MRTFA: variants seen among roughly 807,000 people sequenced by gnomAD.
The protein encoded by MRTFA is myocardin related transcription factor A.
MRTFA carries 20 observed loss-of-function variants against 83.5 expected under a neutral mutation model. The observed-to-expected ratio is 0.24, with a 90% CI of 0.17 to 0.35. The LOEUF is 0.35. Among genes scored for constraint, MRTFA ranks in the 10% least tolerant of loss-of-function variants. The pLI, the probability that MRTFA is intolerant of heterozygous loss-of-function variation, is 1.00. For synonymous variants in MRTFA, 659 were observed against 541.2 expected, an observed-to-expected ratio of 1.22 and a Z score of -3.02; for missense variants, 1,200 against 1,224.7, an observed-to-expected ratio of 0.98 and a Z score of 0.30.
intron 3 of MRTFA, among the ~76,000 whole-genome samples, chr22:40,492,372 T>C (rs1447529078): frequency 6.6e-6 from 1 of 152,188 alleles, no homozygotes; most frequent in Non-Finnish European, 1.5e-5. Flanking sequence ...AAAACATTTC[T>C]TCCTGTCAGC....
At chr22:40,494,900 C>A (rs929678525) in intron 3 of MRTFA, among the ~76,000 whole-genome samples, 1 of 152,028 alleles carries the variant, frequency 6.6e-6, no homozygotes, top group Non-Finnish European at 1.5e-5. Flanking sequence ...TACAAAGAGG[C>A]ATAATGGAAT....
At chr22:40,558,278 A>ATTCT (rs2055562076) in intron 2 of MRTFA, among the ~76,000 whole-genome samples, 1 of 80,694 alleles carries the variant, frequency 1.2e-5, no homozygotes. Context: ...TTTTTTTGCA[A>ATTCT]GGGGTTGGGG....
intron 2 of MRTFA, among the ~76,000 whole-genome samples, chr22:40,571,738 G>A (rs1378067057): frequency 1.3e-5 from 2 of 151,210 alleles, no homozygotes; most frequent in Non-Finnish European, 2.9e-5. Flanking sequence ...CTAACATGAT[G>A]AAACCCCGTC....
intron 14 of MRTFA, chr22:40,414,947 T>C (rs6001904): frequency 0.083 from 12,084 of 145,244 alleles, 755 homozygotes; most frequent in African/African-American, 0.17. Context: ...CCCCCTGTCC[T>C]GGCAGAATGC....
At position 40,455,212 on chromosome 22, in the gene MRTFA, T is replaced by A. The variant is rs2053560865; in HGVS notation, c.307+8009A>T. Among the ~76,000 whole-genome samples the A allele has an allele frequency of 3.9e-5, 6 of 152,336 alleles. No homozygotes were observed. In the South Asian group the frequency reaches 1.2e-3, roughly 32 times the overall value. On this transcript the variant is annotated intron_variant, in intron 4 of 14. Transcript: ENST00000355630. The stretch of plus-strand genomic sequence containing the variant: ...AATTAAAATTAAATAAAAATTAAAA[T>A]TCAGTTTTTCAACTCAAGTATGTTC...
intron 1 of MRTFA, among the ~76,000 whole-genome samples, chr22:40,607,040 C>T (rs1178346907): frequency 6.6e-6 from 1 of 152,208 alleles, no homozygotes; most frequent in African/African-American, 2.4e-5. Flanking sequence ...AAGCACCTAA[C>T]AGTGCCTAAC....
intron 4 of MRTFA, among the ~76,000 whole-genome samples, chr22:40,443,105 A>T (rs1008721704): frequency 6.6e-6 from 1 of 152,152 alleles, no homozygotes; most frequent in African/African-American, 2.4e-5. Flanking sequence ...GACAAAAATT[A>T]GCCGGGTGTG....
intron 3 of MRTFA, among the ~76,000 whole-genome samples, chr22:40,524,252 T>C (rs2054921668): frequency 6.6e-6 from 1 of 152,144 alleles, no homozygotes; most frequent in Admixed American, 6.6e-5. Context: ...GCTGTGATTA[T>C]GCCACTGCAC....
chr22:40,625,449 C>CTAAATAAATAAA (rs60700777), intron 1 of MRTFA, among the ~76,000 whole-genome samples: 9 of 137,488 alleles, frequency 6.5e-5, no homozygotes, highest in East Asian at 2.1e-4. Flanking sequence ...GGCCCTCTCT[C>CTAAATAAATAAA]TAAATAAATA....
intron 3 of MRTFA, among the ~76,000 whole-genome samples, chr22:40,530,377 G>A (rs1325327574): frequency 6.6e-6 from 1 of 152,152 alleles, no homozygotes; most frequent in Non-Finnish European, 1.5e-5. Context: ...GCTCACTGCA[G>A]CCTCTGCCTC....
chr22:40,551,437 C>T (rs1350277673), intron 3 of MRTFA, among the ~76,000 whole-genome samples: 1 of 152,124 alleles, frequency 6.6e-6, no homozygotes, highest in Non-Finnish European at 1.5e-5. Flanking sequence ...GGCACAATCT[C>T]GGTTCACTGC....
intron 3 of MRTFA, among the ~76,000 whole-genome samples, chr22:40,503,324 T>C (rs1488257229): frequency 6.6e-6 from 1 of 152,146 alleles, no homozygotes; most frequent in Non-Finnish European, 1.5e-5. Flanking sequence ...AAATCAGAAA[T>C]GTAGTCTGGG....
At chr22:40,466,700 A>T (rs988505680) in intron 3 of MRTFA, among the ~76,000 whole-genome samples, 1 of 152,258 alleles carries the variant, frequency 6.6e-6, no homozygotes, top group Admixed American at 6.5e-5. Context: ...CAAAGAAACA[A>T]TAACATAAGC....
At chr22:40,599,404 A>C (rs1256075420) in intron 1 of MRTFA, among the ~76,000 whole-genome samples, 2 of 152,246 alleles carry the variant, frequency 1.3e-5, no homozygotes, top group African/African-American at 2.4e-5. Context: ...TTTAGCTTTT[A>C]AAAGATTTCC....
At chr22:40,489,971 C>CAAAAAAAAAA (rs55808950) in intron 3 of MRTFA, among the ~76,000 whole-genome samples, 3 of 105,882 alleles carry the variant, frequency 2.8e-5, no homozygotes, top group East Asian at 2.8e-4. Context: ...GACTCTGTCG[C>CAAAAAAAAAA]AAAAAAAAAA....
intron 1 of MRTFA, among the ~76,000 whole-genome samples, chr22:40,630,484 T>A (rs2056630431): frequency 6.6e-6 from 1 of 152,196 alleles, no homozygotes; most frequent in Non-Finnish European, 1.5e-5. Flanking sequence ...ATCAGAGATT[T>A]CAGACTTCAA....
intron 2 of MRTFA, among the ~76,000 whole-genome samples, chr22:40,553,269 T>C (rs2147314084): frequency 6.6e-6 from 1 of 152,224 alleles, no homozygotes; most frequent in South Asian, 2.1e-4. Flanking sequence ...CCTGCAGAAA[T>C]TTGCATAAGT....
intron 3 of MRTFA, among the ~76,000 whole-genome samples, chr22:40,535,726 C>A (rs185582369): frequency 4.9e-4 from 74 of 152,178 alleles, no homozygotes; most frequent in Non-Finnish European, 4.4e-5. Context: ...TCGGTATTTA[C>A]AGGAAAATAA....
intron 3 of MRTFA, among the ~76,000 whole-genome samples, chr22:40,469,477 A>G (rs893409274): frequency 6.6e-6 from 1 of 152,182 alleles, no homozygotes; most frequent in Non-Finnish European, 1.5e-5. Flanking sequence ...CGCTGGTGCA[A>G]TGCTTGTACA....
Sources: allele counts gnomAD v4.1 joint callset (sites outside exome capture counted in the v4.1 genomes callset), GRCh38; gene constraint gnomAD v4.1.1; transcripts MANE v1.5; gene names NCBI Gene and HGNC (gene_info 2026-07-23, HGNC 2026-07-21).